PDE3B: variants seen among roughly 807,000 people sequenced by gnomAD.
PDE3B encodes the protein phosphodiesterase 3B.
PDE3B carries 66 observed loss-of-function variants against 116.8 expected under a neutral mutation model. The ratio of observed to expected loss-of-function variants is 0.56; its 90% CI spans 0.46 to 0.69. The LOEUF is 0.69. Among genes scored for constraint, PDE3B ranks in the 30% least tolerant of loss-of-function variants. The probability of loss-of-function intolerance (pLI) is 0.00; values close to 1 mark genes in which losing one functional copy is unlikely to be tolerated. For synonymous variants in PDE3B, 595 were observed against 533.6 expected, an observed-to-expected ratio of 1.12 and a Z score of -1.59; for missense variants, 1,384 against 1,368.1, an observed-to-expected ratio of 1.01 and a Z score of -0.18.
intron 1 of PDE3B, among the ~76,000 whole-genome samples, chr11:14,658,302 G>A (rs1014508682): frequency 2.6e-5 from 4 of 152,044 alleles, no homozygotes; most frequent in African/African-American, 7.2e-5. Flanking sequence ...AATAGAAAAA[G>A]CTATTTGAAA....
At chr11:14,747,891 C>T (rs746547149) in intron 1 of PDE3B, among the ~76,000 whole-genome samples, 13 of 152,074 alleles carry the variant, frequency 8.5e-5, no homozygotes, top group Non-Finnish European at 1.6e-4. Flanking sequence ...TTCTGTGTTT[C>T]AGAATTCAAA....
chr11:14,821,278 C>T (rs1323195173), intron 7 of PDE3B, among the ~76,000 whole-genome samples: 7 of 152,152 alleles, frequency 4.6e-5, no homozygotes, highest in Admixed American at 3.9e-4. Flanking sequence ...GAACTCAGAA[C>T]AGAGTGTCAC....
chr11:14,830,918 T>G, intron 8 of PDE3B, 72 bp downstream of exon 8: 1 of 1,048,472 alleles, frequency 9.5e-7, no homozygotes, highest in Admixed American at 3.1e-5. Context: ...TTCATTACTT[T>G]TGCCCAGAAC....
At chr11:14,891,683 C>A in the PDE3B span, 12 of 1,177,188 alleles carry the variant, frequency 1.0e-5, no homozygotes, top group Non-Finnish European at 1.3e-5. Context: ...GCGAGCCAAA[C>A]GGCGCAGGCG....
the PDE3B span, among the ~76,000 whole-genome samples, chr11:14,895,164 C>T: frequency 2.0e-5 from 3 of 152,304 alleles, no homozygotes; most frequent in African/African-American, 7.2e-5. Context: ...TGGCCTGGGC[C>T]GTGGGAGTTG....
At chr11:14,852,523 T>C (rs1847773780) in intron 12 of PDE3B, among the ~76,000 whole-genome samples, 2 of 152,362 alleles carry the variant, frequency 1.3e-5, no homozygotes, top group South Asian at 4.1e-4. Context: ...CTAATCAAAA[T>C]ACAGTTGTGA....
rs781891436 is a variant in PDE3B at position 14,859,094 on chromosome 11, G to C, written c.2572G>C (p.Ala858Pro). The C allele has an allele frequency of 6.2e-7, 1 of 1,613,626 alleles. No individual in the cohort carries two copies. Among genetic ancestry groups the C allele is most frequent in the Non-Finnish European group, 8.5e-7 (1 of 1,179,752 alleles). Residue 858 changes from alanine (A) to proline (P), a missense_variant, in exon 13 of 16, where the codon GCT (alanine) becomes CCT (proline). Ala to Pro is a conservative substitution (Grantham distance 27, BLOSUM62 -1). This residue lies in a region of PDE3B where 428 missense variants were observed against 561.4 expected (regional missense o/e 0.76). Coordinates refer to ENST00000282096, the MANE Select transcript of PDE3B (RefSeq NM_000922.4). ...SVLENHHAASAWNLYLSRPEY... is the reference protein window; with the variant it reads ...SVLENHHAASPWNLYLSRPEY... Reference sequence around the variant, plus strand: ...TCTGGAAAATCATCATGCTGCGTCAGCTTGGAATCTATATCTTTCTCGCCC... The same window carrying C: ...TCTGGAAAATCATCATGCTGCGTCACCTTGGAATCTATATCTTTCTCGCCC...
At chr11:14,694,951 C>T (rs1228772055) in intron 1 of PDE3B, among the ~76,000 whole-genome samples, 1 of 152,088 alleles carries the variant, frequency 6.6e-6, no homozygotes, top group Non-Finnish European at 1.5e-5. Flanking sequence ...ATATACTACT[C>T]AGTGAATATT....
At chr11:14,686,482 A>G (rs1028994632) in intron 1 of PDE3B, among the ~76,000 whole-genome samples, 2 of 152,196 alleles carry the variant, frequency 1.3e-5, no homozygotes, top group East Asian at 3.8e-4. Context: ...AACTTTTAAG[A>G]CGCAGAGGAA....
rs182464212 is a variant in PDE3B, at chr11:14,780,329, C to T, written c.1030-6108C>T. ...ACCAAGCGAACCTAATAGACATCTA[C>T]AGAACACTCCACCCCAAATCAACAG... On this transcript the variant is annotated intron_variant, in intron 2 of 15. Transcript: ENST00000282096. Among the ~76,000 whole-genome samples the T allele has an allele frequency of 4.5e-3, 685 of 152,302 alleles. 3 individuals are homozygous for T. Among genetic ancestry groups the T allele is most frequent in the African/African-American group, 0.015 (611 of 41,558 alleles).
intron 11 of PDE3B, among the ~76,000 whole-genome samples, chr11:14,840,253 A>G (rs1437039469): frequency 6.6e-6 from 1 of 152,232 alleles, no homozygotes; most frequent in African/African-American, 2.4e-5. Context: ...AAACAAAACC[A>G]GGCAGCTTTC....
chr11:14,746,872 G>A lies in PDE3B; in HGVS notation c.979-25065G>A, dbSNP rs1483446905. ...TGTAGAATTTCATTTCCATCTCTAT[G>A]GCTTTAGTCACTGTTACAGGACATT... On this transcript the variant is annotated intron_variant, in intron 1 of 15. Transcript: ENST00000282096. 2.0e-5 allele frequency among the ~76,000 whole-genome samples: 3 copies of A among 152,188 alleles called. No homozygotes were observed. In the East Asian group the frequency reaches 5.8e-4, roughly 29 times the overall value.
Position 14,844,037 on chromosome 11 carries a change from T to C in PDE3B, c.2520+11T>C. 6.3e-7 allele frequency: 1 copy of C among 1,599,742 alleles called. No homozygotes were observed. Among genetic ancestry groups the C allele is most frequent in the Non-Finnish European group, 8.6e-7 (1 of 1,167,142 alleles). On this transcript the variant is annotated intron_variant, in intron 12 of 15. Coordinates refer to ENST00000282096, the MANE Select transcript of PDE3B (RefSeq NM_000922.4). ...ACAAATGCCCCTCAGGTAGGAAATATTTTTAAGAACCTTTAAAGAGTAATT... is the reference window on the plus strand; with the variant it reads ...ACAAATGCCCCTCAGGTAGGAAATACTTTTAAGAACCTTTAAAGAGTAATT...
At chr11:14,646,533 C>G (rs539863169) in intron 1 of PDE3B, among the ~76,000 whole-genome samples, 1 of 152,274 alleles carries the variant, frequency 6.6e-6, no homozygotes, top group African/African-American at 2.4e-5. Context: ...AAAGTGGTAT[C>G]AACTATTTTC....
At chr11:14,781,480 T>C (rs1219362424) in intron 2 of PDE3B, among the ~76,000 whole-genome samples, 1 of 152,184 alleles carries the variant, frequency 6.6e-6, no homozygotes, top group Admixed American at 6.5e-5. Flanking sequence ...GTGCGCTTCA[T>C]CCCTGGGATG....
intron 1 of PDE3B, among the ~76,000 whole-genome samples, chr11:14,711,241 A>AT (rs1219774388): frequency 6.6e-6 from 1 of 152,200 alleles, no homozygotes; most frequent in African/African-American, 2.4e-5. Flanking sequence ...ATAAAATTAC[A>AT]TTTGCAGTTA....
intron 1 of PDE3B, among the ~76,000 whole-genome samples, chr11:14,726,709 A>T (rs1856315414): frequency 6.6e-6 from 1 of 152,198 alleles, no homozygotes; most frequent in Non-Finnish European, 1.5e-5. Flanking sequence ...TAATGCTTAC[A>T]GGCTGGATTA....
intron 1 of PDE3B, among the ~76,000 whole-genome samples, chr11:14,679,444 T>G (rs2133791996): frequency 6.6e-6 from 1 of 152,180 alleles, no homozygotes; most frequent in Non-Finnish European, 1.5e-5. Flanking sequence ...GTCCAATTCT[T>G]TGTTCAAGAC....
chr11:14,803,055 G>A (rs1314109751), intron 4 of PDE3B, among the ~76,000 whole-genome samples: 2 of 152,188 alleles, frequency 1.3e-5, no homozygotes, highest in Non-Finnish European at 2.9e-5. Flanking sequence ...GAGGGAAGGA[G>A]TCTTCTTTGA....
Sources: gnomAD v4.1 joint callset for allele counts (sites outside exome capture counted in the v4.1 genomes callset) on GRCh38, gnomAD v4.1.1 for gene constraint, gnomAD v4.1.1 regional missense constraint, MANE v1.5 for transcripts, NCBI Gene and HGNC (gene_info 2026-07-23, HGNC 2026-07-21) for gene names.